The following SRRM3 variants were observed in gnomAD, a reference collection of about 807,000 sequenced individuals.
The protein encoded by SRRM3 is serine/arginine repetitive matrix protein 3.
In SRRM3, 27 loss-of-function variants were observed where a neutral mutation model predicts 66.2. The ratio of observed to expected loss-of-function variants is 0.41; its 90% CI spans 0.30 to 0.56. The LOEUF is 0.56. SRRM3 is among the 20% of genes least tolerant of loss of function. SRRM3 has a pLI of 0.32. For missense variants in SRRM3, 918 were observed against 991.9 expected (o/e 0.93, Z 1.00); for synonymous variants, 391 against 414.9 (o/e 0.94, Z 0.70).
Position 76,235,126 on chromosome 7 carries a change from C to T in SRRM3, c.60C>T (p.Asn20=), listed in dbSNP as rs1583891284. The part of the protein sequence containing the change: ...ASMQSTPDAA[N]GFPQPSSSSG... ...TGCAGTCCACACCCGACGCCGCGAA[C>T]GGCTTCCCGCAGCCCAGCTCCTCCT... The change falls in exon 2 of 15, where the codon AAC becomes AAT. Residue 20 remains asparagine, a synonymous_variant. Transcript: ENST00000611745. The T allele has an allele frequency of 2.5e-6, 4 of 1,577,354 alleles. No homozygotes were observed. The highest frequency in any genetic ancestry group is 3.6e-5 in the Admixed American group (2 of 56,178).
At chr7:76,237,120 T>G (rs1455357346) in intron 2 of SRRM3, among the ~76,000 whole-genome samples, 2 of 151,254 alleles carry the variant, frequency 1.3e-5, no homozygotes, top group African/African-American at 2.4e-5. Flanking sequence ...ACAAAAAAAT[T>G]TAAAAGGCCA....
chr7:76,213,702 G>A (rs1465520925), intron 1 of SRRM3, among the ~76,000 whole-genome samples: 1 of 152,120 alleles, frequency 6.6e-6, no homozygotes, highest in African/African-American at 2.4e-5. Flanking sequence ...AAGGGGTTAT[G>A]AGCTCTAAGG....
intron 3 of SRRM3, among the ~76,000 whole-genome samples, chr7:76,254,567 T>G (rs1288058148): frequency 6.6e-6 from 1 of 152,130 alleles, no homozygotes; most frequent in East Asian, 1.9e-4. Context: ...ATCCAGTTGC[T>G]TCAGCCTCCC....
At chr7:76,281,948 G>A (rs1390195481) in intron 12 of SRRM3, 146 bp downstream of exon 12, 2 of 401,296 alleles carry the variant, frequency 5.0e-6, no homozygotes, top group African/African-American at 7.4e-5. Flanking sequence ...CTACCCCCAT[G>A]GATTCCACCC....
intron 1 of SRRM3, among the ~76,000 whole-genome samples, chr7:76,212,858 C>A (rs890045141): frequency 6.6e-6 from 1 of 152,050 alleles, no homozygotes; most frequent in Non-Finnish European, 1.5e-5. Context: ...TGGTTCCCTT[C>A]GCCTGGAATG....
chr7:76,230,767 T>C (rs551032195), intron 1 of SRRM3, among the ~76,000 whole-genome samples: 6 of 150,052 alleles, frequency 4.0e-5, no homozygotes, highest in South Asian at 2.1e-4. Context: ...TTTTTTTTTT[T>C]CAAGACAGAG....
intron 1 of SRRM3, among the ~76,000 whole-genome samples, chr7:76,222,782 T>C (rs1334503436): frequency 1.3e-5 from 2 of 151,802 alleles, no homozygotes; most frequent in African/African-American, 4.8e-5. Context: ...CCACCATGCC[T>C]GGCTAATTTT....
At chr7:76,222,444 T>G (rs576807763) in intron 1 of SRRM3, among the ~76,000 whole-genome samples, 1 of 146,642 alleles carries the variant, frequency 6.8e-6, no homozygotes, top group Admixed American at 6.8e-5. Flanking sequence ...GCAAGAGAGA[T>G]CTTTCCAAAA....
In SRRM3 at chr7:76,260,132, T is replaced by A. The variant is rs781783927; in HGVS notation, c.480T>A (p.Ser160=). The part of the protein sequence containing the change: ...GHRGYRTKHW[S]SSSASPPPKK... ...TCTCCCCCAGGACCAAGCATTGGTC[T>A]AGCAGCTCGGCATCGCCCCCTCCCA... The change falls in exon 5 of 15, where the codon TCT becomes TCA. Residue 160 remains serine (S), a synonymous_variant. Coordinates refer to ENST00000611745, the MANE Select transcript of SRRM3 (RefSeq NM_001110199.3). The A allele has an allele frequency of 7.5e-7, 1 of 1,331,026 alleles. No homozygotes were observed. Among genetic ancestry groups the A allele is most frequent in the Non-Finnish European group, 9.8e-7 (1 of 1,019,518 alleles). The allele number at this position is 1,331,026 out of a possible 1,614,324, so 82.5% of individuals were successfully genotyped here.
chr7:76,225,166 T>C (rs915553198), intron 1 of SRRM3, among the ~76,000 whole-genome samples: 1 of 152,214 alleles, frequency 6.6e-6, no homozygotes, highest in East Asian at 1.9e-4. Context: ...CTTTTCCTGA[T>C]CACCCAGGCA....
At chr7:76,215,405 T>A (rs113169023) in intron 1 of SRRM3, among the ~76,000 whole-genome samples, 1 of 146,036 alleles carries the variant, frequency 6.8e-6, no homozygotes, top group Non-Finnish European at 1.5e-5. Context: ...TTTTTTTTTT[T>A]TTTTTTTTTT....
Position 76,261,048 on chromosome 7 carries a change from G to A in SRRM3, c.575+145G>A, listed in dbSNP as rs1417576325. The A allele has an allele frequency of 4.7e-6, 4 of 849,712 alleles. No individual in the cohort carries two copies. In the Admixed American group the frequency reaches 1.2e-4, roughly 25 times the overall value. 52.6% of individuals were successfully genotyped at this position (849,712 alleles called of 1,614,324 possible). A position where few individuals can be genotyped will look rare whatever the true frequency, so the allele number is the denominator to read the frequency against. ...CCAAGGTGCAAGTTTTGCCCCTACA[G>A]AGGCCGTGAATCCCACCGTTGGAGC... is the stretch of plus-strand genomic sequence containing the variant. On this transcript the variant is annotated intron_variant, in intron 6 of 14. Transcript: ENST00000611745.
intron 3 of SRRM3, among the ~76,000 whole-genome samples, chr7:76,256,984 A>C (rs1801729340): frequency 6.6e-6 from 1 of 152,114 alleles, no homozygotes; most frequent in Admixed American, 6.6e-5. Flanking sequence ...TGCTGGGATT[A>C]CAGGCGTGAG....
intron 1 of SRRM3, among the ~76,000 whole-genome samples, chr7:76,210,114 G>A (rs1800393497): frequency 2.0e-5 from 3 of 152,186 alleles, no homozygotes; most frequent in Admixed American, 2.0e-4. Context: ...CACTGAAAGG[G>A]GGTACAGGAT....
chr7:76,211,414 G>A (rs1327567500), intron 1 of SRRM3, among the ~76,000 whole-genome samples: 1 of 151,478 alleles, frequency 6.6e-6, no homozygotes. Flanking sequence ...CCTCACTGTT[G>A]GGGGGCGGGG....
rs1554612915 is a variant in SRRM3 at position 76,286,918 on chromosome 7, C to T, written c.*1075C>T. ...GCCCAGGGTCACAGGCATAGGATAA[C>T]ATGTGCTTTGGACCTGACAAGGGAG... On this transcript the variant is annotated 3_prime_UTR_variant, in exon 15 of 15. Coordinates refer to ENST00000611745, the MANE Select transcript of SRRM3 (RefSeq NM_001110199.3). 6.6e-6 allele frequency: 1 copy of T among 152,668 alleles called. No individual in the cohort carries two copies. The highest frequency in any genetic ancestry group is 6.5e-5 in the Admixed American group (1 of 15,282). 9.5% of individuals were successfully genotyped at this position (152,668 alleles called of 1,614,324 possible).
intron 11 of SRRM3, among the ~76,000 whole-genome samples, chr7:76,278,473 C>G (rs377284133): frequency 6.6e-6 from 1 of 151,864 alleles, no homozygotes; most frequent in Admixed American, 6.6e-5. Context: ...GGCAGCAGAG[C>G]GAGACTCTGT....
At chr7:76,249,720 C>T (rs575823110) in intron 3 of SRRM3, among the ~76,000 whole-genome samples, 61 of 152,304 alleles carry the variant, frequency 4.0e-4, no homozygotes, top group Admixed American at 4.6e-4. Context: ...TCAGTTTCCC[C>T]GCCCAGCACC....
chr7:76,242,637 T>C (rs1315093959), intron 2 of SRRM3, among the ~76,000 whole-genome samples: 4 of 152,184 alleles, frequency 2.6e-5, no homozygotes, highest in Admixed American at 2.0e-4. Context: ...CTCACCATCA[T>C]GTAGAGTCCG....
Sources: allele counts gnomAD v4.1 joint callset (sites outside exome capture counted in the v4.1 genomes callset), GRCh38; gene constraint gnomAD v4.1.1; transcripts MANE v1.5; gene names NCBI Gene and HGNC (gene_info 2026-07-23, HGNC 2026-07-21).